The following ARID1B variants were observed in gnomAD, a reference collection of about 807,000 sequenced individuals.
ARID1B encodes AT-rich interaction domain 1B.
Under a neutral mutation model 212.3 loss-of-function variants are expected in ARID1B, and 30 were observed. That is an observed-to-expected ratio of 0.14 (90% confidence interval 0.11 to 0.19). The LOEUF (loss-of-function observed/expected upper bound fraction) is 0.19. Among genes scored for constraint, ARID1B ranks in the 10% least tolerant of loss-of-function variants. The pLI is 1.00. For synonymous variants in ARID1B, 1,402 were observed against 1,301.7 expected, an observed-to-expected ratio of 1.08 and a Z score of -1.66; for missense variants, 2,891 against 3,204.0, an observed-to-expected ratio of 0.90 and a Z score of 2.36.
At chr6:156,944,026 G>C (rs1792872858) in intron 4 of ARID1B, 1 of 152,146 alleles carries the variant, frequency 6.6e-6, no homozygotes, top group Non-Finnish European at 1.5e-5. Context: ...CTGGCCTTGA[G>C]CAATACACGT....
At chr6:156,954,165 C>G (rs1282163976) in intron 4 of ARID1B, among the ~76,000 whole-genome samples, 2 of 151,116 alleles carry the variant, frequency 1.3e-5, no homozygotes, top group African/African-American at 2.4e-5. Flanking sequence ...AGACAAAGTT[C>G]TAAGGAACTA....
At chr6:157,053,366 G>GT (rs1782732863) in intron 4 of ARID1B, among the ~76,000 whole-genome samples, 1 of 152,198 alleles carries the variant, frequency 6.6e-6, no homozygotes, top group Non-Finnish European at 1.5e-5. Flanking sequence ...GATTACAGGT[G>GT]TGAGCCACCA....
intron 4 of ARID1B, 77 bp from the exon 5 acceptor site, chr6:157,084,585 T>C (rs2128461535): frequency 6.5e-7 from 1 of 1,532,680 alleles, no homozygotes; most frequent in Non-Finnish European, 8.8e-7. Context: ...GGGACGTCAT[T>C]ATGATTTTCA....
intron 4 of ARID1B, among the ~76,000 whole-genome samples, chr6:156,960,120 G>A (rs1294806168): frequency 2.0e-5 from 3 of 151,828 alleles, no homozygotes; most frequent in Non-Finnish European, 4.4e-5. Flanking sequence ...TAGTAGAGAC[G>A]GGGTTTCACC....
intron 8 of ARID1B, chr6:157,164,784 G>A (rs995625698): frequency 2.0e-5 from 3 of 152,212 alleles, no homozygotes; most frequent in Non-Finnish European, 2.9e-5. Context: ...AAGCTAAGTG[G>A]AGAGGCAGGG....
At chr6:156,901,801 T>TTAAA (rs1243193427) in intron 3 of ARID1B, 3 of 491,610 alleles carry the variant, frequency 6.1e-6, no homozygotes, top group African/African-American at 5.9e-5. Context: ...TCCCTGTCAT[T>TTAAA]TGTGTTCTGA....
intron 2 of ARID1B, among the ~76,000 whole-genome samples, chr6:156,838,786 C>A (rs1367681344): frequency 2.0e-5 from 3 of 151,720 alleles, no homozygotes; most frequent in Non-Finnish European, 4.4e-5. Context: ...TAATCAGTAT[C>A]ATAATCATTG....
At chr6:156,919,603 G>A (rs1790623370) in intron 3 of ARID1B, among the ~76,000 whole-genome samples, 1 of 152,228 alleles carries the variant, frequency 6.6e-6, no homozygotes, top group Non-Finnish European at 1.5e-5. Context: ...CTGAAATGTG[G>A]AGGAGATCAC....
chr6:157,138,561 C>T (rs1789107518), intron 7 of ARID1B, among the ~76,000 whole-genome samples: 1 of 152,160 alleles, frequency 6.6e-6, no homozygotes, highest in African/African-American at 2.4e-5. Flanking sequence ...TTAAATGCAG[C>T]TGCTCTTCTG....
At chr6:156,856,875 A>G (rs982681839) in intron 2 of ARID1B, among the ~76,000 whole-genome samples, 2 of 152,004 alleles carry the variant, frequency 1.3e-5, no homozygotes, top group Non-Finnish European at 2.9e-5. Context: ...GAAAAGTAAT[A>G]CATATCTAAA....
rs745841288 is a variant in ARID1B at position 157,196,272 on chromosome 6, G to C, written c.4339G>C (p.Gly1447Arg). The C allele has an allele frequency of 6.2e-7, 1 of 1,609,338 alleles. No homozygotes were observed. Among genetic ancestry groups the C allele is most frequent in the Admixed American group, 1.7e-5 (1 of 58,168 alleles). ...CGGAGCAATGTCTAACCTGGGCATG[G>C]GGCAGCGCCAGCAGTTTCCCTATGG... is the stretch of plus-strand genomic sequence containing the variant. ...PSGAMSNLGM[G>R]QRQQFPYGAS... Residue 1447 changes from glycine (G) to arginine (R), a missense_variant, in exon 16 of 20, where the codon GGG becomes CGG. Physicochemically the swap from Gly to Arg is moderately radical, Grantham distance 125 (BLOSUM62 -2). Transcript: ENST00000636930.
At chr6:156,847,918 C>G (rs963044883) in intron 2 of ARID1B, among the ~76,000 whole-genome samples, 1 of 152,142 alleles carries the variant, frequency 6.6e-6, no homozygotes, top group Non-Finnish European at 1.5e-5. Context: ...ATAAAACAGT[C>G]AGAGCAAGGG....
chr6:157,043,271 C>T (rs1782008339), intron 4 of ARID1B, among the ~76,000 whole-genome samples: 1 of 152,126 alleles, frequency 6.6e-6, no homozygotes, highest in African/African-American at 2.4e-5. Context: ...AATGCTTACC[C>T]TTCCTCTTGC....
At chr6:156,968,521 A>T (rs1015687713) in intron 4 of ARID1B, among the ~76,000 whole-genome samples, 85 of 152,306 alleles carry the variant, frequency 5.6e-4, no homozygotes, top group Non-Finnish European at 9.7e-4. Context: ...CGTCTTTTTC[A>T]TGCTCTCTGG....
intron 4 of ARID1B, among the ~76,000 whole-genome samples, chr6:156,988,894 A>G (rs891419989): frequency 1.3e-5 from 2 of 152,190 alleles, no homozygotes; most frequent in African/African-American, 2.4e-5. Context: ...TGACAGTTGC[A>G]TATGTGCGTT....
chr6:157,157,522 G>A (rs1790653156), intron 8 of ARID1B, among the ~76,000 whole-genome samples: 1 of 152,214 alleles, frequency 6.6e-6, no homozygotes. Context: ...GTTTTGGGCT[G>A]AAGGCAGCAG....
chr6:157,087,037 C>G (rs766540883), intron 5 of ARID1B, among the ~76,000 whole-genome samples: 10 of 152,182 alleles, frequency 6.6e-5, no homozygotes, highest in Non-Finnish European at 1.3e-4. Flanking sequence ...GAAACACTTA[C>G]CACCATATTG....
At chr6:156,986,607 G>A (rs77898392) in intron 4 of ARID1B, among the ~76,000 whole-genome samples, 260 of 152,306 alleles carry the variant, frequency 1.7e-3, no homozygotes, top group Non-Finnish European at 3.3e-3. Flanking sequence ...AGATTAGCAC[G>A]TGATGTGCTT....
Position 157,208,123 on chromosome 6 carries a change from T to TC in ARID1B, c.*232_*233insC. 4.8e-6 allele frequency: 2 copies of TC among 420,864 alleles called. No homozygotes were observed. Among genetic ancestry groups the TC allele is most frequent in the Non-Finnish European group, 7.8e-6 (2 of 257,838 alleles). The allele number at this position is 420,864 out of a possible 1,614,324, so 26.1% of individuals were successfully genotyped here. On this transcript the variant is annotated 3_prime_UTR_variant, in exon 20 of 20. Coordinates refer to ENST00000636930, the MANE Select transcript of ARID1B (RefSeq NM_001374828.1). ...CATCCTTTGGGGTTTTTTTTTTCTC[T>TC]TTTTTTTAACCAAAGTTGCTGTCTA...
Sources: gnomAD v4.1 joint callset for allele counts (sites outside exome capture counted in the v4.1 genomes callset) on GRCh38, gnomAD v4.1.1 for gene constraint, MANE v1.5 for transcripts, NCBI Gene and HGNC (gene_info 2026-07-23, HGNC 2026-07-21) for gene names.